The following PEPD variants were observed in gnomAD, a reference collection of about 807,000 sequenced individuals.
The protein encoded by PEPD is xaa-Pro dipeptidase.
A neutral mutation model predicts 60.7 loss-of-function variants in PEPD; 53 were observed. That is an observed-to-expected ratio of 0.87 (90% CI 0.70 to 1.10). The LOEUF (loss-of-function observed/expected upper bound fraction) is 1.10. Among genes scored for constraint, PEPD ranks in the 50% least tolerant of loss-of-function variants. PEPD has a pLI of 0.00. For synonymous variants in PEPD, 267 were observed against 284.1 expected (o/e 0.94, Z 0.60); for missense variants, 711 against 711.9 (o/e 1.00, Z 0.01).
intron 10 of PEPD, 149 bp downstream of exon 10, chr19:33,413,426 G>A (rs1188819064): frequency 4.7e-6 from 3 of 640,070 alleles, no homozygotes; most frequent in East Asian, 5.5e-5. Flanking sequence ...TGGGAGGGAG[G>A]AGCGACTTCC....
At chr19:33,457,392 G>A (rs935735365) in intron 9 of PEPD, among the ~76,000 whole-genome samples, 9 of 152,180 alleles carry the variant, frequency 5.9e-5, no homozygotes, top group Admixed American at 1.3e-4. Flanking sequence ...GATCGCCCCA[G>A]AGGGGCGTCC....
chr19:33,459,584 T>C (rs1202082026), intron 9 of PEPD, among the ~76,000 whole-genome samples: 1 of 152,074 alleles, frequency 6.6e-6, no homozygotes, highest in East Asian at 1.9e-4. Context: ...TACACCTCAA[T>C]TGCGGAAAAT....
At chr19:33,411,786 C>A (rs370472732) in intron 10 of PEPD, 37 bp from the exon 11 acceptor site, 5 of 1,302,188 alleles carry the variant, frequency 3.8e-6, no homozygotes, top group Non-Finnish European at 5.5e-6. Context: ...AAAGCCCATT[C>A]TTCTGCAGCA....
intron 7 of PEPD, among the ~76,000 whole-genome samples, chr19:33,472,639 T>A (rs1970142418): frequency 6.6e-6 from 1 of 152,218 alleles, no homozygotes. Context: ...CATTAAACCC[T>A]GAATTAAGAT....
chr19:33,499,672 A>G (rs1346768214), intron 4 of PEPD, among the ~76,000 whole-genome samples: 1 of 152,214 alleles, frequency 6.6e-6, no homozygotes, highest in East Asian at 1.9e-4. Flanking sequence ...TGTGGGCCAG[A>G]GTCTACAGCA....
intron 7 of PEPD, among the ~76,000 whole-genome samples, chr19:33,467,437 T>C (rs989940846): frequency 6.6e-6 from 1 of 151,762 alleles, no homozygotes; most frequent in African/African-American, 2.4e-5. Context: ...TTACAAACCC[T>C]AACAAGGAAA....
At chr19:33,410,041 A>G (rs1968727599) in intron 11 of PEPD, among the ~76,000 whole-genome samples, 1 of 152,000 alleles carries the variant, frequency 6.6e-6, no homozygotes, top group South Asian at 2.1e-4. Flanking sequence ...GGGACTGGGG[A>G]CTCGCCCACC....
intron 5 of PEPD, among the ~76,000 whole-genome samples, chr19:33,492,043 CAAAAAAAAAAA>C (rs757173823): frequency 1.2e-5 from 1 of 81,560 alleles, no homozygotes; most frequent in Non-Finnish European, 2.5e-5. Flanking sequence ...TATTCCATTT[CAAAAAAAAAAA>C]AAAAAAAAGA....
At chr19:33,448,119 C>A (rs141201456) in intron 9 of PEPD, among the ~76,000 whole-genome samples, 29 of 152,368 alleles carry the variant, frequency 1.9e-4, no homozygotes, top group Non-Finnish European at 3.8e-4. Flanking sequence ...GAAAAACTCA[C>A]GGCCCGGAAT....
intron 9 of PEPD, among the ~76,000 whole-genome samples, chr19:33,422,980 T>C (rs886468054): frequency 2.0e-5 from 3 of 152,136 alleles, no homozygotes; most frequent in African/African-American, 4.8e-5. Flanking sequence ...CAATTATCTG[T>C]TTCTATGTCT....
chr19:33,440,392 G>C (rs1303391962), intron 9 of PEPD, among the ~76,000 whole-genome samples: 2 of 152,072 alleles, frequency 1.3e-5, no homozygotes, highest in Non-Finnish European at 2.9e-5. Flanking sequence ...TCCAACCCCA[G>C]GGCTACAGGA....
intron 9 of PEPD, among the ~76,000 whole-genome samples, chr19:33,448,900 G>A (rs945955276): frequency 2.6e-5 from 4 of 152,248 alleles, no homozygotes; most frequent in Non-Finnish European, 4.4e-5. Context: ...TGGGCCAAAC[G>A]GAAACTGCGT....
rs141266848 is a variant in PEPD, at chr19:33,521,634, T to C, written c.17+110A>G. 3,601 of 1,196,832 alleles carry C rather than the reference T, an allele frequency of 3.0e-3. 78 individuals carry two copies. The African/African-American group carries it at 0.047, about 16-fold the overall frequency. 74.1% of individuals were successfully genotyped at this position (1,196,832 alleles called of 1,614,324 possible). ...CTCCGGGCCAACGGGAAGAGGCGCC[T>C]ACCCGCGGCATTCAGCGACCCCGGC... On this transcript the variant is annotated intron_variant, in intron 1 of 14. Coordinates refer to ENST00000244137, the MANE Select transcript of PEPD (RefSeq NM_000285.4).
chr19:33,414,747 T>C (rs992470500), intron 9 of PEPD, among the ~76,000 whole-genome samples: 15 of 152,214 alleles, frequency 9.9e-5, no homozygotes, highest in African/African-American at 3.4e-4. Flanking sequence ...ATTGTCATGA[T>C]TGGATATTAA....
At chr19:33,492,772 G>A (rs1212034941) in intron 5 of PEPD, among the ~76,000 whole-genome samples, 1 of 152,158 alleles carries the variant, frequency 6.6e-6, no homozygotes, top group South Asian at 2.1e-4. Context: ...ACATCCTCAC[G>A]ACAGGACACA....
chr19:33,390,950 G>A (rs989914380), intron 13 of PEPD, among the ~76,000 whole-genome samples: 4 of 152,154 alleles, frequency 2.6e-5, no homozygotes, highest in African/African-American at 4.8e-5. Flanking sequence ...GGGGTGCCAC[G>A]TAGCTCCATC....
At chr19:33,414,996 C>A (rs773281558) in intron 9 of PEPD, among the ~76,000 whole-genome samples, 1 of 152,206 alleles carries the variant, frequency 6.6e-6, no homozygotes, top group Admixed American at 6.5e-5. Flanking sequence ...CGCTGAGTTT[C>A]GCCACAGTCC....
At position 33,386,991 on chromosome 19, in the gene PEPD, T is replaced by G; in HGVS notation, c.*353A>C. The G allele has an allele frequency of 6.5e-6, 2 of 307,100 alleles. No individual in the cohort carries two copies. The highest frequency in any genetic ancestry group is 6.1e-6 in the Non-Finnish European group (1 of 164,910). The allele number at this position is 307,100 out of a possible 1,614,324, so 19.0% of individuals were successfully genotyped here. ...CTTTTATTGCAAATGCCATTCTGCA[T>G]ATTGATTTTTGACAGAAAGTATCAG... On this transcript the variant is annotated 3_prime_UTR_variant, in exon 15 of 15. Coordinates refer to ENST00000244137, the MANE Select transcript of PEPD (RefSeq NM_000285.4).
chr19:33,389,647 C>T (rs61348454), intron 13 of PEPD, among the ~76,000 whole-genome samples: 3,506 of 152,334 alleles, frequency 0.023, 152 homozygotes, highest in African/African-American at 0.081. Context: ...CCCCTCCATC[C>T]CCATGGGCCC....
Sources: gnomAD v4.1 joint callset for allele counts (sites outside exome capture counted in the v4.1 genomes callset) on GRCh38, gnomAD v4.1.1 for gene constraint, MANE v1.5 for transcripts, NCBI Gene and HGNC (gene_info 2026-07-23, HGNC 2026-07-21) for gene names.